TFEC: variants seen among roughly 807,000 people sequenced by gnomAD.
TFEC encodes class E basic helix-loop-helix protein 34.
Under a neutral mutation model 41.6 loss-of-function variants are expected in TFEC, and 31 were observed. That is an observed-to-expected ratio of 0.74 (90% CI 0.56 to 1.01). The LOEUF (loss-of-function observed/expected upper bound fraction) is 1.01. TFEC is among the 50% of genes least tolerant of loss of function. The probability of loss-of-function intolerance (pLI) is 0.00; values close to 1 mark genes in which losing one functional copy is unlikely to be tolerated. For missense variants in TFEC, 402 were observed against 404.1 expected, an observed-to-expected ratio of 0.99 and a Z score of 0.04; for synonymous variants, 143 against 140.6, an observed-to-expected ratio of 1.02 and a Z score of -0.12.
chr7:115,967,155 T>A (rs1211408192), intron 3 of TFEC, among the ~76,000 whole-genome samples: 1 of 151,608 alleles, frequency 6.6e-6, no homozygotes, highest in Admixed American at 6.6e-5. Flanking sequence ...AAGTCTTATA[T>A]ATAGTCACAT....
chr7:115,991,988 G>T (rs966329992), intron 1 of TFEC, among the ~76,000 whole-genome samples: 6 of 152,112 alleles, frequency 3.9e-5, no homozygotes, highest in Admixed American at 3.3e-4. Flanking sequence ...TAAAAGAACA[G>T]AAAATATAAC....
At chr7:115,945,827 C>G (rs1394313520) in intron 6 of TFEC, among the ~76,000 whole-genome samples, 1 of 151,670 alleles carries the variant, frequency 6.6e-6, no homozygotes, top group African/African-American at 2.4e-5. Context: ...CGGCCCATAG[C>G]TTATTTTTGT....
intron 3 of TFEC, among the ~76,000 whole-genome samples, chr7:116,108,899 C>T (rs1268852177): frequency 6.6e-6 from 1 of 152,008 alleles, no homozygotes; most frequent in Non-Finnish European, 1.5e-5. Flanking sequence ...TATCAGAGAG[C>T]CAACAATGCA....
chr7:115,998,255 A>AGGT (rs1794446464), intron 1 of TFEC, among the ~76,000 whole-genome samples: 1 of 152,136 alleles, frequency 6.6e-6, no homozygotes, highest in African/African-American at 2.4e-5. Context: ...CAACTTACCT[A>AGGT]TTTAAACAAT....
At chr7:116,049,316 C>G (rs1006685798) in intron 3 of TFEC, among the ~76,000 whole-genome samples, 1 of 152,082 alleles carries the variant, frequency 6.6e-6, no homozygotes, top group South Asian at 2.1e-4. Flanking sequence ...ACAAAAAAAA[C>G]AGGGGTTGCA....
chr7:116,040,154 T>C (rs1012371900), intron 3 of TFEC, among the ~76,000 whole-genome samples: 1 of 152,006 alleles, frequency 6.6e-6, no homozygotes, highest in African/African-American at 2.4e-5. Flanking sequence ...GGGAAAAACA[T>C]AGGAAAATAA....
At chr7:115,992,074 A>G (rs2130724252) in intron 1 of TFEC, among the ~76,000 whole-genome samples, 1 of 152,308 alleles carries the variant, frequency 6.6e-6, no homozygotes, top group East Asian at 1.9e-4. Context: ...ACACAACTAC[A>G]TGGAAACTGA....
At chr7:116,069,185 A>T (rs1381481535) in intron 3 of TFEC, among the ~76,000 whole-genome samples, 2 of 151,068 alleles carry the variant, frequency 1.3e-5, no homozygotes, top group Non-Finnish European at 3.0e-5. Context: ...AGGAGAAAAT[A>T]AGATAAAAAA....
chr7:116,059,728 G>T (rs548629098), intron 3 of TFEC, among the ~76,000 whole-genome samples: 5 of 151,990 alleles, frequency 3.3e-5, no homozygotes, highest in Admixed American at 6.6e-5. Context: ...GACTTAAAAA[G>T]AAAAATGATA....
chr7:116,158,498 G>A (rs1289917440), intron 1 of TFEC, among the ~76,000 whole-genome samples: 3 of 151,948 alleles, frequency 2.0e-5, no homozygotes, highest in Non-Finnish European at 1.5e-5. Context: ...CAAATTTAAC[G>A]AGCTCACATC....
In TFEC at chr7:115,936,605, T is replaced by C. The variant is rs1187433126; in HGVS notation, c.*3946A>G. 6.6e-6 allele frequency: 1 copy of C among 151,678 alleles called. No individual in the cohort carries two copies. The highest frequency in any genetic ancestry group is 1.9e-4 in the East Asian group (1 of 5,176). The allele number at this position is 151,678 out of a possible 1,614,324, so 9.4% of individuals were successfully genotyped here. A position where few individuals can be genotyped will look rare whatever the true frequency, so the allele number is the denominator to read the frequency against. ...ACAATATCCAAACAGGAAAAAAGTG[T>C]TTCCATGATGCCTTGAAGTATAAGA... On this transcript the variant is annotated 3_prime_UTR_variant, in exon 8 of 8. Transcript: ENST00000265440.
chr7:115,967,255 T>C (rs1792900899), intron 3 of TFEC, among the ~76,000 whole-genome samples: 1 of 151,740 alleles, frequency 6.6e-6, no homozygotes, highest in Non-Finnish European at 1.5e-5. Context: ...ATATTTAATA[T>C]GAGTGTCAAG....
chr7:115,983,208 G>A (rs941579297), intron 2 of TFEC, among the ~76,000 whole-genome samples: 16 of 152,064 alleles, frequency 1.1e-4, no homozygotes, highest in African/African-American at 3.6e-4. Context: ...TAAAGTTTGA[G>A]TAAATATACA....
intron 2 of TFEC, 150 bp from the exon 3 acceptor site, chr7:115,974,406 T>TTATATATATATATATATATA (rs572119521): frequency 2.3e-4 from 15 of 64,994 alleles, no homozygotes; most frequent in Non-Finnish European, 4.4e-4. Context: ...AACCTCAATA[T>TTATATATATATATATATATA]TATATATATA....
intron 1 of TFEC, among the ~76,000 whole-genome samples, chr7:116,006,736 TG>T (rs1193515663): frequency 6.6e-6 from 1 of 152,002 alleles, no homozygotes; most frequent in Non-Finnish European, 1.5e-5. Flanking sequence ...TTGGGAGGGA[TG>T]GGGGCAGAAT....
At chr7:116,040,759 T>C (rs559276265) in intron 3 of TFEC, among the ~76,000 whole-genome samples, 13 of 152,278 alleles carry the variant, frequency 8.5e-5, no homozygotes, top group African/African-American at 3.1e-4. Flanking sequence ...CCCAGCCCCA[T>C]CTCTGCCATT....
intron 3 of TFEC, among the ~76,000 whole-genome samples, chr7:115,960,154 A>G (rs994555582): frequency 6.6e-6 from 1 of 151,606 alleles, no homozygotes; most frequent in African/African-American, 2.4e-5. Flanking sequence ...AAGCCTAGAA[A>G]GAAAGATTGT....
chr7:115,943,656 A>C (rs571089379), intron 6 of TFEC, among the ~76,000 whole-genome samples: 1 of 151,720 alleles, frequency 6.6e-6, no homozygotes, highest in South Asian at 2.2e-4. Context: ...CTCTCCCAAA[A>C]CAATTTCAAC....
At chr7:116,080,234 T>C (rs1797056355) in intron 3 of TFEC, among the ~76,000 whole-genome samples, 8 of 151,644 alleles carry the variant, frequency 5.3e-5, no homozygotes, top group Admixed American at 4.6e-4. Flanking sequence ...ATTCTAGACA[T>C]TGGGAAAACC....
Sources: allele counts gnomAD v4.1 joint callset (sites outside exome capture counted in the v4.1 genomes callset), GRCh38; gene constraint gnomAD v4.1.1; transcripts MANE v1.5; gene names NCBI Gene and HGNC (gene_info 2026-07-23, HGNC 2026-07-21).